Variants in ASTN2 observed in about 807,000 individuals in gnomAD.
The protein encoded by ASTN2 is astrotactin 2.
ASTN2 carries 54 observed loss-of-function variants against 139.8 expected under a neutral mutation model. That is an observed-to-expected ratio of 0.39 (90% confidence interval 0.31 to 0.48). The LOEUF (loss-of-function observed/expected upper bound fraction) is 0.48, where lower values mean the gene tolerates loss of function less well. Among genes scored for constraint, ASTN2 ranks in the 20% least tolerant of loss-of-function variants. The probability of loss-of-function intolerance (pLI) is 0.95; values close to 1 mark genes in which losing one functional copy is unlikely to be tolerated. For synonymous variants in ASTN2, 756 were observed against 719.5 expected, an observed-to-expected ratio of 1.05 and a Z score of -0.81; for missense variants, 1,565 against 1,725.1, an observed-to-expected ratio of 0.91 and a Z score of 1.64.
At chr9:117,281,526 G>C (rs1213230694) in intron 2 of ASTN2, among the ~76,000 whole-genome samples, 1 of 152,204 alleles carries the variant, frequency 6.6e-6, no homozygotes, top group African/African-American at 2.4e-5. Flanking sequence ...ATATGAGAAA[G>C]GGAGTAAACA....
chr9:117,273,742 A>C (rs748808576), intron 2 of ASTN2, among the ~76,000 whole-genome samples: 2 of 152,152 alleles, frequency 1.3e-5, no homozygotes, highest in South Asian at 2.1e-4. Context: ...CTTAAAATCC[A>C]TCTGCTTTTT....
chr9:116,445,969 G>A (rs1019695871), intron 20 of ASTN2, among the ~76,000 whole-genome samples: 21 of 152,282 alleles, frequency 1.4e-4, no homozygotes, highest in African/African-American at 3.6e-4. Flanking sequence ...AAGGCCATGC[G>A]CTTTCTGCCT....
At chr9:116,611,052 T>C (rs913375752) in intron 19 of ASTN2, 1 of 152,114 alleles carries the variant, frequency 6.6e-6, no homozygotes, top group Admixed American at 6.6e-5. Flanking sequence ...AAAACTAGTC[T>C]CAATAAATTT....
At chr9:117,404,118 A>C (rs1830915568) in intron 1 of ASTN2, among the ~76,000 whole-genome samples, 1 of 152,224 alleles carries the variant, frequency 6.6e-6, no homozygotes, top group Non-Finnish European at 1.5e-5. Flanking sequence ...TATCTCCATA[A>C]GGATCACACA....
At chr9:116,430,237 A>C (rs6478237) in intron 22 of ASTN2, among the ~76,000 whole-genome samples, 122,037 of 152,138 alleles carry the variant, frequency 0.8, 48,984 homozygotes, top group South Asian at 0.86. Flanking sequence ...CCTCCTTTTG[A>C]ATGGATTAGG....
At chr9:117,405,476 G>A (rs1830957570) in intron 1 of ASTN2, among the ~76,000 whole-genome samples, 2 of 152,112 alleles carry the variant, frequency 1.3e-5, no homozygotes, top group Admixed American at 6.5e-5. Context: ...ACATAAAATG[G>A]TCACGGTTTT....
intron 17 of ASTN2, among the ~76,000 whole-genome samples, chr9:116,632,028 C>T (rs1396234753): frequency 1.3e-5 from 2 of 151,178 alleles, no homozygotes; most frequent in African/African-American, 2.4e-5. Flanking sequence ...GCAGGAGAGT[C>T]GCTTGAACCC....
At chr9:117,339,698 T>C (rs1243627692) in intron 1 of ASTN2, among the ~76,000 whole-genome samples, 2 of 152,066 alleles carry the variant, frequency 1.3e-5, no homozygotes, top group African/African-American at 4.8e-5. Context: ...GAAAAATGGA[T>C]ACATTAATAT....
At chr9:116,716,622 A>T (rs1003511871) in intron 16 of ASTN2, among the ~76,000 whole-genome samples, 1 of 152,188 alleles carries the variant, frequency 6.6e-6, no homozygotes, top group Non-Finnish European at 1.5e-5. Context: ...TTTTCCACTG[A>T]GCAGAGTCCT....
chr9:116,799,712 G>GGC (rs1830793414), intron 13 of ASTN2, among the ~76,000 whole-genome samples: 1 of 145,748 alleles, frequency 6.9e-6, no homozygotes, highest in Admixed American at 6.8e-5. Context: ...AGAGTGGGGG[G>GGC]GGGGAGAATA....
At position 116,426,010 on chromosome 9, in the gene ASTN2, C is replaced by T; in HGVS notation, c.3861G>A (p.Gln1287=). 1 of 1,614,154 alleles carries T rather than the reference C, an allele frequency of 6.2e-7. No individual in the cohort carries two copies. Among genetic ancestry groups the T allele is most frequent in the Non-Finnish European group, 8.5e-7 (1 of 1,180,044 alleles). ...GATAGGGCACTGTTTCCACGCGGCTCTGGATGTAGGCACTCCGCAGGAGGC... is the reference window on the plus strand; with the variant it reads ...GATAGGGCACTGTTTCCACGCGGCTTTGGATGTAGGCACTCCGCAGGAGGC... The part of the protein sequence containing the change: ...CSSLLRSAYI[Q]SRVETVPYLF... Residue 1287 remains glutamine (Q), a synonymous_variant, in exon 23 of 23, where the codon CAG becomes CAA. Coordinates refer to ENST00000313400, the MANE Select transcript of ASTN2 (RefSeq NM_001365068.1).
intron 19 of ASTN2, among the ~76,000 whole-genome samples, chr9:116,571,342 C>T (rs985669796): frequency 1.1e-4 from 16 of 152,326 alleles, no homozygotes; most frequent in African/African-American, 3.4e-4. Flanking sequence ...GGACTCCAGC[C>T]CTCCTTCCCT....
At chr9:116,660,862 C>T (rs1368415938) in intron 16 of ASTN2, among the ~76,000 whole-genome samples, 1 of 152,206 alleles carries the variant, frequency 6.6e-6, no homozygotes, top group Non-Finnish European at 1.5e-5. Flanking sequence ...ACTAACTCCT[C>T]ATCCAACTCC....
chr9:116,928,323 A>G (rs1834814227), intron 10 of ASTN2, among the ~76,000 whole-genome samples: 1 of 152,174 alleles, frequency 6.6e-6, no homozygotes, highest in Non-Finnish European at 1.5e-5. Context: ...AAGTCCAGCA[A>G]TTTAACCATT....
chr9:117,172,363 T>C (rs1830814549), intron 3 of ASTN2, among the ~76,000 whole-genome samples: 1 of 152,114 alleles, frequency 6.6e-6, no homozygotes, highest in Non-Finnish European at 1.5e-5. Flanking sequence ...AAGGCCACTG[T>C]ATCGGGAGGC....
intron 1 of ASTN2, among the ~76,000 whole-genome samples, chr9:117,329,990 G>A (rs1281433581): frequency 6.6e-6 from 1 of 152,150 alleles, no homozygotes; most frequent in Non-Finnish European, 1.5e-5. Flanking sequence ...GACTGAGAGA[G>A]GTTAAGTAGT....
chr9:117,176,341 A>G (rs1830916325), intron 3 of ASTN2, among the ~76,000 whole-genome samples: 1 of 152,176 alleles, frequency 6.6e-6, no homozygotes, highest in Non-Finnish European at 1.5e-5. Flanking sequence ...TAACTATCCA[A>G]ATAGGTTAGA....
At chr9:117,119,230 A>G (rs902267742) in intron 4 of ASTN2, among the ~76,000 whole-genome samples, 2 of 152,240 alleles carry the variant, frequency 1.3e-5, no homozygotes, top group Admixed American at 6.5e-5. Flanking sequence ...GTTTGAAAAC[A>G]TCTTGCAAAC....
At chr9:117,065,194 C>T (rs1827900046) in intron 5 of ASTN2, among the ~76,000 whole-genome samples, 1 of 152,112 alleles carries the variant, frequency 6.6e-6, no homozygotes, top group African/African-American at 2.4e-5. Context: ...ATTCTCCCTC[C>T]GTGCTTCCAG....
Sources: allele counts gnomAD v4.1 joint callset (sites outside exome capture counted in the v4.1 genomes callset), GRCh38; gene constraint gnomAD v4.1.1; transcripts MANE v1.5; gene names NCBI Gene and HGNC (gene_info 2026-07-23, HGNC 2026-07-21).